Variants in BABAM2 observed in about 807,000 individuals in gnomAD.
The protein encoded by BABAM2 is BRISC and BRCA1 A complex member 2.
A neutral mutation model predicts 54.7 loss-of-function variants in BABAM2; 31 were observed. That is an observed-to-expected ratio of 0.57 (90% confidence interval 0.43 to 0.77). BABAM2 has a LOEUF of 0.77. Ranked by LOEUF, BABAM2 falls within the 30% of genes least tolerant of loss-of-function variation. The pLI is 0.00. For synonymous variants in BABAM2, 167 were observed against 162.9 expected, an observed-to-expected ratio of 1.03 and a Z score of -0.19; for missense variants, 364 against 455.8, an observed-to-expected ratio of 0.80 and a Z score of 1.83.
chr2:27,966,184 T>A (rs2148440843), intron 3 of BABAM2, among the ~76,000 whole-genome samples: 1 of 149,786 alleles, frequency 6.7e-6, no homozygotes, highest in East Asian at 1.9e-4. Flanking sequence ...GTTAATTTGT[T>A]AAGTGTTGCA....
chr2:27,908,722 C>A (rs867446273), intron 2 of BABAM2, among the ~76,000 whole-genome samples: 2 of 152,220 alleles, frequency 1.3e-5, no homozygotes, highest in South Asian at 4.2e-4. Flanking sequence ...TTTTTTGTTT[C>A]TGTGTTAATT....
chr2:28,275,526 G>C (rs1685804158), intron 10 of BABAM2, among the ~76,000 whole-genome samples: 1 of 152,194 alleles, frequency 6.6e-6, no homozygotes, highest in South Asian at 2.1e-4. Flanking sequence ...CAGCAGGCAG[G>C]CCTCGGGGTT....
intron 4 of BABAM2, chr2:28,015,668 A>G: frequency 2.6e-6 from 2 of 773,552 alleles, no homozygotes; most frequent in South Asian, 4.6e-5. Flanking sequence ...CATTTTAGTA[A>G]ATATGTTATA....
chr2:28,280,452 T>C (rs55656412), intron 10 of BABAM2, among the ~76,000 whole-genome samples: 36,929 of 152,084 alleles, frequency 0.24, 5,679 homozygotes, highest in Non-Finnish European at 0.35. Flanking sequence ...AGTCCCATGG[T>C]CAAGAATACT....
At chr2:28,317,050 C>G (rs1689615868) in intron 11 of BABAM2, among the ~76,000 whole-genome samples, 2 of 152,104 alleles carry the variant, frequency 1.3e-5, no homozygotes, top group South Asian at 4.1e-4. Context: ...CCCAGACCCC[C>G]ACTTGGCTGC....
chr2:27,965,801 G>T (rs1355800126), intron 3 of BABAM2, among the ~76,000 whole-genome samples: 1 of 152,046 alleles, frequency 6.6e-6, no homozygotes, highest in African/African-American at 2.4e-5. Flanking sequence ...CAGTTATCTT[G>T]TTCCCTTATT....
At chr2:27,974,855 C>G (rs1174641918) in intron 3 of BABAM2, among the ~76,000 whole-genome samples, 1 of 151,902 alleles carries the variant, frequency 6.6e-6, no homozygotes, top group African/African-American at 2.4e-5. Context: ...AACGCATATT[C>G]AAAAAATCCT....
chr2:27,917,517 A>T (rs1435774657), intron 2 of BABAM2, among the ~76,000 whole-genome samples: 1 of 152,080 alleles, frequency 6.6e-6, no homozygotes, highest in Non-Finnish European at 1.5e-5. Flanking sequence ...GTGTCCTTGC[A>T]TGGCAGAAGG....
intron 8 of BABAM2, among the ~76,000 whole-genome samples, chr2:28,240,625 T>G (rs150739708): frequency 1.4e-3 from 213 of 152,192 alleles, no homozygotes; most frequent in African/African-American, 4.8e-3. Context: ...ATCCTAGGAC[T>G]TTGGGAGGCT....
chr2:27,966,503 G>C (rs1192391146), intron 3 of BABAM2, among the ~76,000 whole-genome samples: 4 of 152,206 alleles, frequency 2.6e-5, no homozygotes, highest in Non-Finnish European at 4.4e-5. Flanking sequence ...GCCTCTGCAT[G>C]ATGGCTCTTC....
intron 6 of BABAM2, among the ~76,000 whole-genome samples, chr2:28,061,090 T>C (rs1335213479): frequency 6.6e-6 from 1 of 152,170 alleles, no homozygotes; most frequent in Non-Finnish European, 1.5e-5. Context: ...ATTATAAAGC[T>C]CCAGTAATCA....
chr2:28,003,400 C>T (rs1413463311), intron 4 of BABAM2, among the ~76,000 whole-genome samples: 1 of 152,072 alleles, frequency 6.6e-6, no homozygotes, highest in East Asian at 1.9e-4. Flanking sequence ...AATTCTAAGG[C>T]TGGGCAACAT....
chr2:28,161,010 T>G (rs940983449), intron 7 of BABAM2, among the ~76,000 whole-genome samples: 3 of 152,198 alleles, frequency 2.0e-5, no homozygotes, highest in African/African-American at 7.2e-5. Context: ...CTCTGTGAAT[T>G]TATTAATGAT....
intron 7 of BABAM2, among the ~76,000 whole-genome samples, chr2:28,190,286 T>C (rs1408948230): frequency 6.6e-6 from 1 of 152,060 alleles, no homozygotes; most frequent in African/African-American, 2.4e-5. Context: ...GACTGGGAAG[T>C]CCAAAATCAA....
chr2:28,200,272 A>T (rs1375988682), intron 7 of BABAM2, among the ~76,000 whole-genome samples: 1 of 152,206 alleles, frequency 6.6e-6, no homozygotes, highest in East Asian at 1.9e-4. Context: ...ACTGATCATC[A>T]TTCACCATTT....
chr2:28,137,443 A>G (rs1329349279), intron 7 of BABAM2, among the ~76,000 whole-genome samples: 1 of 152,226 alleles, frequency 6.6e-6, no homozygotes, highest in Non-Finnish European at 1.5e-5. Context: ...GAGCAGGGCC[A>G]AAAGGGTTCT....
chr2:28,281,653 T>A (rs1407430708), intron 10 of BABAM2, among the ~76,000 whole-genome samples: 1 of 152,250 alleles, frequency 6.6e-6, no homozygotes, highest in East Asian at 1.9e-4. Context: ...TGTAGTATAA[T>A]TCTTCTCCAG....
At chr2:28,214,409 G>A (rs190716878) in intron 7 of BABAM2, among the ~76,000 whole-genome samples, 230 of 152,080 alleles carry the variant, frequency 1.5e-3, no homozygotes, top group South Asian at 2.3e-3. Flanking sequence ...ATAGTAATAC[G>A]ATTAACTTTT....
intron 6 of BABAM2, among the ~76,000 whole-genome samples, chr2:28,128,362 C>T (rs1669752570): frequency 6.6e-6 from 1 of 152,198 alleles, no homozygotes; most frequent in Non-Finnish European, 1.5e-5. Flanking sequence ...TTGGTATTCA[C>T]AAATTAAAAT....
Sources: gnomAD v4.1 joint callset for allele counts (sites outside exome capture counted in the v4.1 genomes callset) on GRCh38, gnomAD v4.1.1 for gene constraint, MANE v1.5 for transcripts, NCBI Gene and HGNC (gene_info 2026-07-23, HGNC 2026-07-21) for gene names.